Variants in CA5A observed in about 807,000 individuals in gnomAD.
The protein encoded by CA5A is carbonic anhydrase 5A.
In CA5A, 28 loss-of-function variants were observed where a neutral mutation model predicts 37.1. The ratio of observed to expected loss-of-function variants is 0.75; its 90% CI spans 0.56 to 1.03. The LOEUF (loss-of-function observed/expected upper bound fraction) is 1.03. CA5A is among the 50% of genes least tolerant of loss of function. CA5A has a pLI of 0.00. For missense variants in CA5A, 444 were observed against 399.9 expected (o/e 1.11, Z -0.94); for synonymous variants, 171 against 158.4 (o/e 1.08, Z -0.60).
At chr16:87,926,496 T>C (rs2056313055) in intron 2 of CA5A, among the ~76,000 whole-genome samples, 1 of 152,210 alleles carries the variant, frequency 6.6e-6, no homozygotes, top group Non-Finnish European at 1.5e-5. Flanking sequence ...TTTTCTTTGC[T>C]AGGTGCACCT....
chr16:87,900,336 A>G (rs572707976), intron 5 of CA5A, among the ~76,000 whole-genome samples: 7 of 152,300 alleles, frequency 4.6e-5, no homozygotes, highest in Non-Finnish European at 1.0e-4. Flanking sequence ...GAGCAGGCAG[A>G]TGGGGCGGCA....
chr16:87,919,551 GA>G (rs2056202279), intron 2 of CA5A, among the ~76,000 whole-genome samples: 2 of 151,880 alleles, frequency 1.3e-5, no homozygotes, highest in African/African-American at 4.8e-5. Flanking sequence ...GAGTCTGGGG[GA>G]GCACTCACAG....
rs141647813 is a variant in CA5A at position 87,911,746 on chromosome 16, T to C, written c.341-6842A>G. Among the ~76,000 whole-genome samples the C allele has an allele frequency of 1.7e-3, 253 of 152,262 alleles. No homozygotes were observed. The highest frequency in any genetic ancestry group is 5.8e-3 in the African/African-American group (242 of 41,556). ...AGTTAGCCTCTGAGACCATCACATA[T>C]TGGCACTGGTTTGAAAGCCAGGCAA... On this transcript the variant is annotated intron_variant, in intron 2 of 6. Coordinates refer to ENST00000649794, the MANE Select transcript of CA5A (RefSeq NM_001739.2). The surrounding 1 kb of genome is among the most constrained non-coding windows in gnomAD (Gnocchi z 4.6).
chr16:87,913,932 G>A (rs926487622), intron 2 of CA5A, among the ~76,000 whole-genome samples: 6 of 152,216 alleles, frequency 3.9e-5, no homozygotes, highest in East Asian at 3.8e-4. Context: ...ACGAGGAAGC[G>A]TAAGTGATGT....
chr16:87,896,424 A>G (rs73239012), intron 5 of CA5A, among the ~76,000 whole-genome samples: 3,563 of 152,306 alleles, frequency 0.023, 141 homozygotes, highest in African/African-American at 0.081. Context: ...TGGTTACAGA[A>G]AACTGCTCCC....
intron 2 of CA5A, among the ~76,000 whole-genome samples, chr16:87,910,588 T>C (rs2056036043): frequency 1.3e-5 from 2 of 151,094 alleles, no homozygotes; most frequent in African/African-American, 4.9e-5. Context: ...AAGTGACTTC[T>C]TTTTTTTTAG....
chr16:87,882,480 G>A (rs761638657), intron 4 of CA5A: 1 of 152,246 alleles, frequency 6.6e-6, no homozygotes, highest in Non-Finnish European at 1.5e-5. Context: ...GGACGATTTT[G>A]TGGAACTTGT....
chr16:87,901,996 G>T, intron 4 of CA5A, 22 bp from the exon 5 acceptor site: 1 of 1,610,656 alleles, frequency 6.2e-7, no homozygotes, highest in Non-Finnish European at 8.5e-7. Context: ...ACAAAGGAGG[G>T]GTTAGCTGCA....
chr16:87,893,791 G>T, intron 5 of CA5A: 1 of 374,274 alleles, frequency 2.7e-6, no homozygotes, highest in Non-Finnish European at 5.2e-6. Context: ...AAAACAAAAA[G>T]AGTCAGGGTC....
At chr16:87,916,026 G>T (rs1267887983) in intron 2 of CA5A, among the ~76,000 whole-genome samples, 1 of 151,984 alleles carries the variant, frequency 6.6e-6, no homozygotes, top group Non-Finnish European at 1.5e-5. Context: ...GGGCAGCCAA[G>T]AGACAGAATG....
At chr16:87,934,726 G>A (rs549018186) in intron 1 of CA5A, among the ~76,000 whole-genome samples, 3 of 152,328 alleles carry the variant, frequency 2.0e-5, no homozygotes, top group South Asian at 2.1e-4. Context: ...TTAGGAGGCC[G>A]AGGCAGGTAG....
chr16:87,901,121 A>G (rs1466167443), intron 5 of CA5A, among the ~76,000 whole-genome samples: 2 of 152,270 alleles, frequency 1.3e-5, no homozygotes, highest in Non-Finnish European at 2.9e-5. Context: ...TCCCAGCCGC[A>G]TGGGAGGCTG....
At chr16:87,927,082 G>T in intron 1 of CA5A, 137 bp from the exon 2 acceptor site, 1 of 658,410 alleles carries the variant, frequency 1.5e-6, no homozygotes, top group Non-Finnish European at 2.6e-6. Flanking sequence ...AAACGGGCGC[G>T]TGGGGGCCCC....
chr16:87,894,602 G>A (rs1405066011), intron 5 of CA5A, among the ~76,000 whole-genome samples: 1 of 152,028 alleles, frequency 6.6e-6, no homozygotes, highest in East Asian at 1.9e-4. Context: ...TTATAGGCTG[G>A]GCACAGTGGC....
At chr16:87,918,228 C>A (rs940182745) in intron 2 of CA5A, among the ~76,000 whole-genome samples, 1 of 152,246 alleles carries the variant, frequency 6.6e-6, no homozygotes, top group African/African-American at 2.4e-5. Context: ...AAGTGCTTCA[C>A]ACAGCCCTGC....
At chr16:87,926,693 C>T in intron 2 of CA5A, 55 bp downstream of exon 2, 1 of 1,428,244 alleles carries the variant, frequency 7.0e-7, no homozygotes, top group East Asian at 2.3e-5. Flanking sequence ...GCTCTTGACC[C>T]TGCTGCCAGA....
intron 2 of CA5A, chr16:87,925,479 G>C (rs1298963476): frequency 1.3e-5 from 2 of 152,248 alleles, no homozygotes; most frequent in African/African-American, 4.8e-5. Flanking sequence ...GGTTTATTGG[G>C]AGCTGTTCAC....
At chr16:87,919,592 C>G (rs1295718315) in intron 2 of CA5A, among the ~76,000 whole-genome samples, 1 of 152,138 alleles carries the variant, frequency 6.6e-6, no homozygotes, top group African/African-American at 2.4e-5. Flanking sequence ...GCACTCAGAG[C>G]CCTGGCAGTC....
At chr16:87,907,366 C>A (rs2055979235) in intron 2 of CA5A, among the ~76,000 whole-genome samples, 1 of 152,174 alleles carries the variant, frequency 6.6e-6, no homozygotes, top group African/African-American at 2.4e-5. Flanking sequence ...TTGCAGCCGA[C>A]CAGCCCCAGC....
Sources: gnomAD v4.1 joint callset for allele counts (sites outside exome capture counted in the v4.1 genomes callset) on GRCh38, gnomAD v4.1.1 for gene constraint, Gnocchi (gnomAD v3.1) non-coding constraint, MANE v1.5 for transcripts, NCBI Gene and HGNC (gene_info 2026-07-23, HGNC 2026-07-21) for gene names.